The following TCERG1 variants were observed in gnomAD, a reference collection of about 807,000 sequenced individuals.
The protein encoded by TCERG1 is transcription elongation regulator 1.
Under a neutral mutation model 144.7 loss-of-function variants are expected in TCERG1, and 37 were observed. That is an observed-to-expected ratio of 0.26 (90% CI 0.20 to 0.34). TCERG1 has a LOEUF of 0.34. Ranked by LOEUF, TCERG1 falls within the 10% of genes least tolerant of loss-of-function variation. TCERG1 has a pLI of 1.00. For synonymous variants in TCERG1, 492 were observed against 458.2 expected (o/e 1.07, Z -0.94); for missense variants, 1,027 against 1,380.7 (o/e 0.74, Z 4.06).
Position 146,469,563 on chromosome 5 carries a change from C to T in TCERG1, c.1218C>T (p.Ala406=), listed in dbSNP as rs368828470. 6 of 1,600,704 alleles carry T rather than the reference C, an allele frequency of 3.7e-6. No individual in the cohort carries two copies. Among genetic ancestry groups the T allele is most frequent in the Non-Finnish European group, 4.3e-6 (5 of 1,174,890 alleles). ...TTKTGVLPGM[A]PPIVPMIHPQ... ...TTTTAGGTGTATTGCCAGGAATGGC[C>T]CCTCCTATCGTACCCATGATACATC... Residue 406 remains alanine (A), a synonymous_variant, in exon 7 of 23, where the codon GCC becomes GCT. Coordinates refer to ENST00000679501, the MANE Select transcript of TCERG1 (RefSeq NM_001382548.1).
At chr5:146,473,577 G>A (rs535027836) in intron 9 of TCERG1, among the ~76,000 whole-genome samples, 8 of 152,280 alleles carry the variant, frequency 5.3e-5, no homozygotes, top group East Asian at 1.9e-4. Flanking sequence ...AGAAGTCACC[G>A]CTTGGCTTCA....
intron 16 of TCERG1, among the ~76,000 whole-genome samples, chr5:146,494,058 T>C (rs1766663028): frequency 6.6e-6 from 1 of 152,080 alleles, no homozygotes; most frequent in South Asian, 2.1e-4. Context: ...AGAGTATTTG[T>C]GATATGAAGA....
Position 146,459,062 on chromosome 5 carries a change from A to G in TCERG1, c.617A>G (p.Gln206Arg), listed in dbSNP as rs775097411. The change falls in exon 4 of 23, where the codon CAG becomes CGG. Residue 206 changes from glutamine (Q) to arginine (R), a missense_variant. By Grantham distance (43) the Gln-to-Arg change is conservative. This residue lies in a region of TCERG1 where 48 missense variants were observed against 80.9 expected (regional missense o/e 0.59). Coordinates refer to ENST00000679501, the MANE Select transcript of TCERG1 (RefSeq NM_001382548.1). ...QAQAQAQAQA[Q>R]AQAQAQAQAQ... is the part of the protein sequence containing the mutation. ...CAGGCCCAGGCACAAGCTCAGGCCC[A>G]GGCTCAGGCTCAGGCCCAGGCCCAG... 1.3e-6 allele frequency: 2 copies of G among 1,597,358 alleles called. No individual in the cohort carries two copies. Among genetic ancestry groups the G allele is most frequent in the South Asian group, 2.2e-5 (2 of 90,298 alleles).
Position 146,510,422 on chromosome 5 carries a change from CTTCTTT to C in TCERG1, c.3147-13_3147-8del. 6.3e-7 allele frequency: 1 copy of C among 1,584,744 alleles called. No homozygotes were observed. The highest frequency in any genetic ancestry group is 8.7e-7 in the Non-Finnish European group (1 of 1,155,510). On this transcript the variant is annotated splice_polypyrimidine_tract_variant and intron_variant, in intron 22 of 22. Coordinates refer to ENST00000679501, the MANE Select transcript of TCERG1 (RefSeq NM_001382548.1). Reference sequence around the variant, plus strand: ...TGAACAGCAGTCAGTAATTCTTGGACTTCTTTTTCTTATTTCAGATCCAAAAAATTA... The same window carrying C: ...TGAACAGCAGTCAGTAATTCTTGGACTTCTTATTTCAGATCCAAAAAATTA...
At chr5:146,496,672 AGTTTT>A (rs955894167) in intron 16 of TCERG1, among the ~76,000 whole-genome samples, 2 of 151,888 alleles carry the variant, frequency 1.3e-5, no homozygotes, top group African/African-American at 2.4e-5. Context: ...TAATAATAAC[AGTTTT>A]GTTTAGTTAT....
chr5:146,489,728 C>A (rs1766216367), intron 15 of TCERG1, among the ~76,000 whole-genome samples: 1 of 152,102 alleles, frequency 6.6e-6, no homozygotes, highest in South Asian at 2.1e-4. Flanking sequence ...CATTTTTGTT[C>A]ATGCCTATAA....
intron 15 of TCERG1, among the ~76,000 whole-genome samples, chr5:146,491,415 G>T (rs1477116949): frequency 6.6e-6 from 1 of 152,076 alleles, no homozygotes; most frequent in Non-Finnish European, 1.5e-5. Context: ...GTGCTGCTGG[G>T]ATCTAGTGGG....
chr5:146,462,605 A>T (rs1763431652), intron 4 of TCERG1, among the ~76,000 whole-genome samples: 1 of 152,184 alleles, frequency 6.6e-6, no homozygotes, highest in Admixed American at 6.5e-5. Flanking sequence ...CTGGTCTCTC[A>T]CAATGGAAAC....
At chr5:146,508,325 C>T (rs58567701) in intron 21 of TCERG1, among the ~76,000 whole-genome samples, 3,572 of 152,212 alleles carry the variant, frequency 0.023, 137 homozygotes, top group African/African-American at 0.081. Context: ...GTAATGAGAT[C>T]GCTAGTTCTC....
intron 8 of TCERG1, among the ~76,000 whole-genome samples, chr5:146,471,159 A>G (rs1394355529): frequency 6.6e-6 from 1 of 152,216 alleles, no homozygotes; most frequent in East Asian, 1.9e-4. Context: ...GATCAGTGGT[A>G]GTCGTGTTTC....
chr5:146,485,835 C>T (rs1407057568), intron 15 of TCERG1, among the ~76,000 whole-genome samples: 1 of 152,158 alleles, frequency 6.6e-6, no homozygotes, highest in Non-Finnish European at 1.5e-5. Flanking sequence ...GCTGGGATTA[C>T]AAGCGTGCAC....
intron 19 of TCERG1, among the ~76,000 whole-genome samples, chr5:146,506,313 T>C (rs1767986993): frequency 6.6e-6 from 1 of 152,226 alleles, no homozygotes; most frequent in Non-Finnish European, 1.5e-5. Context: ...GAAGCATATC[T>C]TTTTGCTGGT....
At chr5:146,472,087 G>A (rs1446559351) in intron 9 of TCERG1, among the ~76,000 whole-genome samples, 2 of 152,100 alleles carry the variant, frequency 1.3e-5, no homozygotes, top group African/African-American at 2.4e-5. Context: ...CTCCATTAAT[G>A]TGTATTCTTC....
intron 2 of TCERG1, 128 bp downstream of exon 2, chr5:146,455,409 C>A: frequency 9.7e-7 from 1 of 1,030,244 alleles, no homozygotes; most frequent in Non-Finnish European, 1.4e-6. Context: ...AAGAGAAGAT[C>A]CATATATTAA....
chr5:146,478,514 T>C lies in TCERG1; in HGVS notation c.1623T>C (p.Asp541=). 1 of 1,603,556 alleles carries C rather than the reference T, an allele frequency of 6.2e-7. No individual in the cohort carries two copies. Among genetic ancestry groups the C allele is most frequent in the Non-Finnish European group, 8.5e-7 (1 of 1,177,360 alleles). ...TTAGGTGTGTCGTTTGGACTGGTGA[T>C]GAGCGGGTCTTCTTTTATAATCCCA... The part of the protein sequence containing the change: ...GTPWCVVWTG[D]ERVFFYNPTT... The change falls in exon 10 of 23, where the codon GAT becomes GAC. Residue 541 remains aspartate (D), a synonymous_variant. Transcript: ENST00000679501.
At chr5:146,462,510 A>G (rs1474631468) in intron 4 of TCERG1, among the ~76,000 whole-genome samples, 1 of 152,218 alleles carries the variant, frequency 6.6e-6, no homozygotes, top group Admixed American at 6.5e-5. Context: ...TTTTAAATGC[A>G]ATTACTAGGA....
chr5:146,511,701 G>C lies in TCERG1; in HGVS notation c.*1059G>C, dbSNP rs189733222. 6.6e-6 allele frequency: 1 copy of C among 152,338 alleles called. No homozygotes were observed. Among genetic ancestry groups the C allele is most frequent in the South Asian group, 2.1e-4 (1 of 4,824 alleles). The allele number at this position is 152,338 out of a possible 1,614,324, so 9.4% of individuals were successfully genotyped here. On this transcript the variant is annotated 3_prime_UTR_variant, in exon 23 of 23. Coordinates refer to ENST00000679501, the MANE Select transcript of TCERG1 (RefSeq NM_001382548.1). ...GAAGGAATTTGTAGAGAATCATTTT[G>C]GTGCTCAAGTCTCTTAGCAGTGCCT...
intron 4 of TCERG1, chr5:146,461,989 ATTATAT>A (rs1407272652): frequency 6.6e-6 from 1 of 152,620 alleles, no homozygotes; most frequent in Non-Finnish European, 1.5e-5. Context: ...CTGTTATAAA[ATTATAT>A]TAATATGATA....
intron 6 of TCERG1, among the ~76,000 whole-genome samples, chr5:146,469,218 A>G (rs1764069163): frequency 6.6e-6 from 1 of 152,158 alleles, no homozygotes; most frequent in African/African-American, 2.4e-5. Flanking sequence ...TCTTCATAAA[A>G]ATAGATTTCT....
Sources: gnomAD v4.1 joint callset for allele counts (sites outside exome capture counted in the v4.1 genomes callset) on GRCh38, gnomAD v4.1.1 for gene constraint, gnomAD v4.1.1 regional missense constraint, MANE v1.5 for transcripts, NCBI Gene and HGNC (gene_info 2026-07-23, HGNC 2026-07-21) for gene names.